Variants in TTC34 observed in about 807,000 individuals in gnomAD.
TTC34 encodes the protein tetratricopeptide repeat protein 34.
Under a neutral mutation model 40.7 loss-of-function variants are expected in TTC34, and 44 were observed. The observed-to-expected ratio is 1.08, with a 90% confidence interval of 0.85 to 1.39. The LOEUF is 1.39. Ranked by LOEUF, TTC34 falls within the 40% of genes most tolerant of loss-of-function variation. The pLI, the probability that TTC34 is intolerant of heterozygous loss-of-function variation, is 0.00. For missense variants in TTC34, 884 were observed against 838.0 expected (o/e 1.05, Z -0.68); for synonymous variants, 422 against 398.6 (o/e 1.06, Z -0.70).
At chr1:2,681,607 C>A (rs546548314) in intron 6 of TTC34, among the ~76,000 whole-genome samples, 15 of 66,190 alleles carry the variant, frequency 2.3e-4, no homozygotes, top group African/African-American at 5.0e-4. Flanking sequence ...CATCAGACAG[C>A]CTGGAACCGC....
chr1:2,784,980 C>CACTCTGGGCCGCTCTCGGCT (rs1348331868), intron 5 of TTC34, among the ~76,000 whole-genome samples: 1 of 27,178 alleles, frequency 3.7e-5, no homozygotes, highest in Non-Finnish European at 6.6e-5. Context: ...CACTCTGGGC[C>CACTCTGGGCCGCTCTCGGCT]GCTCTGGGCT....
chr1:2,786,072 G>C, intron 4 of TTC34, 49 bp from the exon 5 acceptor site: 1 of 1,409,854 alleles, frequency 7.1e-7, no homozygotes, highest in Admixed American at 3.0e-5. Flanking sequence ...CCGATGCCCT[G>C]GAGCCCACCC....
chr1:2,749,457 T>C (rs1641246067), intron 6 of TTC34, among the ~76,000 whole-genome samples: 14 of 106,918 alleles, frequency 1.3e-4, no homozygotes, highest in Admixed American at 2.8e-4. Flanking sequence ...CAGGTGAGCA[T>C]CTGACGGCCT....
At chr1:2,789,505 C>A (rs767539206) in exon 3 of TTC34, 14 of 1,506,908 alleles carry the variant, frequency 9.3e-6, no homozygotes, top group Non-Finnish European at 1.2e-5. Flanking sequence ...GTCCTCACCC[C>A]TCCTGCGTGG....
At chr1:2,784,996 G>GGGCCGCTCTA (rs1352526652) in intron 5 of TTC34, among the ~76,000 whole-genome samples, 2 of 151,936 alleles carry the variant, frequency 1.3e-5, no homozygotes, top group East Asian at 1.9e-4. Flanking sequence ...GGGCTGCTCT[G>GGGCCGCTCTA]GGCCGCTCTG....
chr1:2,749,268 G>C lies in TTC34; in HGVS notation c.2226+34341C>G, dbSNP rs1415864559. On this transcript the variant is annotated intron_variant, in intron 6 of 8. Transcript: ENST00000401095. The stretch of plus-strand genomic sequence containing the variant: ...CCCCATGTGAGCATCTGATGGTCTG[G>C]AGCAGCACCCAAAACCACAGGTGAG... Among the ~76,000 whole-genome samples the C allele has an allele frequency of 4.5e-5, 4 of 89,502 alleles. 1 individual carries two copies. Among genetic ancestry groups the C allele is most frequent in the South Asian group, 4.8e-4 (1 of 2,102 alleles). The allele number at this position is 89,502 out of a possible 152,430, so 58.7% of individuals were successfully genotyped here.
chr1:2,685,930 G>T (rs1488849486), intron 6 of TTC34, among the ~76,000 whole-genome samples: 1 of 145,106 alleles, frequency 6.9e-6, no homozygotes, highest in East Asian at 2.0e-4. Flanking sequence ...CCCCAGGTGA[G>T]CATGTGACAG....
intron 6 of TTC34, among the ~76,000 whole-genome samples, chr1:2,755,911 T>A (rs1432887492): frequency 4.1e-5 from 3 of 73,198 alleles, no homozygotes; most frequent in African/African-American, 1.1e-4. Context: ...CACCCCCAGG[T>A]GAGCATCTGA....
intron 6 of TTC34, among the ~76,000 whole-genome samples, chr1:2,773,072 C>G (rs1418734747): frequency 6.8e-6 from 1 of 146,878 alleles, no homozygotes. Flanking sequence ...AGGTGAGCCT[C>G]TGACAGCCTG....
In TTC34 at chr1:2,748,809, G is replaced by C. The variant is rs1641227453; in HGVS notation, c.2226+34800C>G. The stretch of plus-strand genomic sequence containing the variant: ...TGGAGCGGAACCCACACCCACAGGC[G>C]AGCATCTGACAGCCTCGGTCGGCAC... On this transcript the variant is annotated intron_variant, in intron 6 of 8. Coordinates refer to ENST00000401095, the Ensembl canonical transcript of TTC34. 2.8e-5 allele frequency among the ~76,000 whole-genome samples: 4 copies of C among 144,578 alleles called. 2 individuals carry two copies. The highest frequency in any genetic ancestry group is 6.0e-5 in the Non-Finnish European group (4 of 66,910). The allele number at this position is 144,578 out of a possible 152,430, so 94.8% of individuals were successfully genotyped here. A position where few individuals can be genotyped will look rare whatever the true frequency, so the allele number is the denominator to read the frequency against.
intron 6 of TTC34, among the ~76,000 whole-genome samples, chr1:2,646,574 T>G (rs960995211): frequency 5.3e-5 from 8 of 152,108 alleles, no homozygotes; most frequent in Non-Finnish European, 8.8e-5. Flanking sequence ...TTTGTACAAA[T>G]GGGGTCTTGA....
At chr1:2,695,841 G>GAT (rs1640838807) in intron 6 of TTC34, among the ~76,000 whole-genome samples, 1 of 151,132 alleles carries the variant, frequency 6.6e-6, no homozygotes, top group African/African-American at 2.4e-5. Context: ...CACACCCCCA[G>GAT]GTGAACATCC....
At chr1:2,686,324 C>A (rs201031630) in intron 6 of TTC34, among the ~76,000 whole-genome samples, 5 of 91,164 alleles carry the variant, frequency 5.5e-5, no homozygotes, top group East Asian at 3.4e-4. Context: ...CCCACACCTC[C>A]AGGCGAGCAT....
chr1:2,651,946 T>G (rs916857037), intron 6 of TTC34, among the ~76,000 whole-genome samples: 1 of 152,214 alleles, frequency 6.6e-6, no homozygotes, highest in African/African-American at 2.4e-5. Context: ...TCTGACAGCC[T>G]GAAGCAGCAC....
intron 6 of TTC34, among the ~76,000 whole-genome samples, chr1:2,768,567 T>G (rs1641876419): frequency 6.7e-6 from 1 of 150,152 alleles, no homozygotes; most frequent in Non-Finnish European, 1.5e-5. Flanking sequence ...ATAGCCTGGA[T>G]AGGCACTCCA....
At chr1:2,641,542 G>A in exon 9 of TTC34, 2 of 1,534,018 alleles carry the variant, frequency 1.3e-6, no homozygotes, top group Middle Eastern at 1.7e-4. Context: ...GTGCAGTGGG[G>A]GCCCGGCCTG....
At chr1:2,686,849 G>A (rs867624472) in intron 6 of TTC34, among the ~76,000 whole-genome samples, 2 of 149,536 alleles carry the variant, frequency 1.3e-5, no homozygotes, top group African/African-American at 2.5e-5. Flanking sequence ...CACACCCCCA[G>A]GTGAGCATCG....
chr1:2,787,621 C>A, exon 4 of TTC34: 1 of 1,549,998 alleles, frequency 6.5e-7, no homozygotes, highest in African/African-American at 1.4e-5. Flanking sequence ...CGGTACAGGG[C>A]ATCAGCCGCC....
intron 6 of TTC34, among the ~76,000 whole-genome samples, chr1:2,750,825 C>A: frequency 7.8e-6 from 1 of 128,512 alleles, no homozygotes; most frequent in Non-Finnish European, 1.6e-5. Context: ...GAGCATCTGA[C>A]AGCCTGGAGC....
Sources: allele counts gnomAD v4.1 joint callset (sites outside exome capture counted in the v4.1 genomes callset), GRCh38; gene constraint gnomAD v4.1.1; transcripts MANE v1.5; gene names NCBI Gene and HGNC (gene_info 2026-07-23, HGNC 2026-07-21).